Variants in CNOT2 observed in about 807,000 individuals in gnomAD.
The protein encoded by CNOT2 is CC chemokine receptor 4-negative regulator of transcription 2.
CNOT2 carries 7 observed loss-of-function variants against 72.1 expected under a neutral mutation model. The ratio of observed to expected loss-of-function variants is 0.10; its 90% CI spans 0.06 to 0.18. CNOT2 has a LOEUF of 0.18. Among genes scored for constraint, CNOT2 ranks in the 10% least tolerant of loss-of-function variants. CNOT2 has a pLI of 1.00. For synonymous variants in CNOT2, 196 were observed against 225.6 expected, an observed-to-expected ratio of 0.87 and a Z score of 1.17; for missense variants, 345 against 660.3, an observed-to-expected ratio of 0.52 and a Z score of 5.23.
At chr12:70,300,511 T>A (rs1397349838) in intron 2 of CNOT2, among the ~76,000 whole-genome samples, 2 of 152,228 alleles carry the variant, frequency 1.3e-5, no homozygotes, top group African/African-American at 4.8e-5. Flanking sequence ...GTCAGGTTTG[T>A]CAAAGATCAG....
At chr12:70,291,220 T>TA (rs1404903442) in intron 2 of CNOT2, among the ~76,000 whole-genome samples, 8 of 152,184 alleles carry the variant, frequency 5.3e-5, no homozygotes, top group Non-Finnish European at 1.2e-4. Flanking sequence ...TTTCTTACTT[T>TA]AAAAAAATCT....
intron 1 of CNOT2, among the ~76,000 whole-genome samples, chr12:70,245,091 T>C (rs1053527740): frequency 3.3e-5 from 5 of 152,214 alleles, no homozygotes; most frequent in African/African-American, 1.2e-4. Flanking sequence ...TATTGCAGAT[T>C]GAAAGGGTTA....
At chr12:70,310,160 A>G (rs1159097597) in intron 2 of CNOT2, among the ~76,000 whole-genome samples, 1 of 152,054 alleles carries the variant, frequency 6.6e-6, no homozygotes, top group Non-Finnish European at 1.5e-5. Context: ...GAGAGAATTG[A>G]GCATCCGTGG....
At chr12:70,330,584 T>G in intron 6 of CNOT2, 115 bp downstream of exon 6, 2 of 575,824 alleles carry the variant, frequency 3.5e-6, no homozygotes, top group South Asian at 7.0e-5. Flanking sequence ...GTGTGTTTCA[T>G]CATGCATTTA....
At chr12:70,248,946 A>G (rs1246041642) in intron 1 of CNOT2, among the ~76,000 whole-genome samples, 1 of 152,102 alleles carries the variant, frequency 6.6e-6, no homozygotes, top group Non-Finnish European at 1.5e-5. Flanking sequence ...TAATGATAAA[A>G]TGAGTGAGGG....
intron 8 of CNOT2, chr12:70,337,149 C>T (rs113538276): frequency 3.2e-4 from 96 of 299,086 alleles, no homozygotes; most frequent in Non-Finnish European, 1.4e-4. Flanking sequence ...TAAGCACCTA[C>T]GCATGACATG....
chr12:70,269,824 T>A (rs969977495), intron 1 of CNOT2, among the ~76,000 whole-genome samples: 5 of 152,288 alleles, frequency 3.3e-5, no homozygotes, highest in African/African-American at 1.2e-4. Flanking sequence ...GTCAAAAGAC[T>A]GAAGATTTAT....
At chr12:70,279,403 T>G (rs1448956477) in intron 2 of CNOT2, among the ~76,000 whole-genome samples, 1 of 152,238 alleles carries the variant, frequency 6.6e-6, no homozygotes, top group Non-Finnish European at 1.5e-5. Context: ...TAACTTGGTA[T>G]CTAAAGTTTC....
At chr12:70,306,634 G>A (rs73324114) in intron 2 of CNOT2, among the ~76,000 whole-genome samples, 2,358 of 152,296 alleles carry the variant, frequency 0.015, 65 homozygotes, top group African/African-American at 0.054. Context: ...AAAGTCTGGT[G>A]TGAGTGTCAA....
chr12:70,332,759 G>A lies in CNOT2; in HGVS notation c.570-8G>A. On this transcript the variant is annotated splice_region_variant and splice_polypyrimidine_tract_variant and intron_variant, in intron 6 of 15. Coordinates refer to ENST00000229195, the MANE Select transcript of CNOT2 (RefSeq NM_014515.7). Reference sequence around the variant, plus strand: ...CTGTATATCTAAAACTATTTTCTATGTACCCAGTATGTCTGGATTTGGAAT... The same window carrying A: ...CTGTATATCTAAAACTATTTTCTATATACCCAGTATGTCTGGATTTGGAAT... 1 of 1,595,304 alleles carries A rather than the reference G, an allele frequency of 6.3e-7. No homozygotes were observed. The highest frequency in any genetic ancestry group is 8.5e-7 in the Non-Finnish European group (1 of 1,172,556).
Position 70,278,123 on chromosome 12 carries a change from C to T in CNOT2, c.-95-9C>T. 1 of 732,546 alleles carries T rather than the reference C, an allele frequency of 1.4e-6. No individual in the cohort carries two copies. The highest frequency in any genetic ancestry group is 2.4e-6 in the Non-Finnish European group (1 of 422,896). The allele number at this position is 732,546 out of a possible 1,614,324, so 45.4% of individuals were successfully genotyped here. ...TAATTTTGATGGCTTTTGGATAATT[C>T]CACTCTAGAGGGAGACGTGGTGGGC... On this transcript the variant is annotated splice_polypyrimidine_tract_variant and intron_variant, in intron 1 of 15. Coordinates refer to ENST00000229195, the MANE Select transcript of CNOT2 (RefSeq NM_014515.7).
At chr12:70,269,748 A>T (rs533646166) in intron 1 of CNOT2, among the ~76,000 whole-genome samples, 1 of 152,296 alleles carries the variant, frequency 6.6e-6, no homozygotes, top group Non-Finnish European at 1.5e-5. Flanking sequence ...AATTTCAGTT[A>T]GAGGTTTGTA....
chr12:70,266,224 A>G (rs1959036395), intron 1 of CNOT2, among the ~76,000 whole-genome samples: 1 of 152,022 alleles, frequency 6.6e-6, no homozygotes, highest in Middle Eastern at 3.4e-3. Context: ...CAGTAGTTCA[A>G]GCGGTTCTCC....
chr12:70,334,523 G>A (rs1193629689), intron 7 of CNOT2: 1 of 151,966 alleles, frequency 6.6e-6, no homozygotes, highest in Non-Finnish European at 1.5e-5. Flanking sequence ...ATTGGGAAGT[G>A]GCAAAATAAA....
At chr12:70,292,261 T>TATTA (rs1266897942) in intron 2 of CNOT2, among the ~76,000 whole-genome samples, 2 of 152,178 alleles carry the variant, frequency 1.3e-5, no homozygotes, top group Non-Finnish European at 2.9e-5. Context: ...TTCAGTCTAA[T>TATTA]GAGAAAACAT....
In CNOT2 at chr12:70,267,562, A is replaced by G. The variant is rs151175423; in HGVS notation, c.-95-10570A>G. On this transcript the variant is annotated intron_variant, in intron 1 of 15. Transcript: ENST00000229195. ...AGGTCCTGGGGGTTAAGTCTTGAAC[A>G]CATCTTTTTTGAGTACACAACTCAC... Among the ~76,000 whole-genome samples, 22 of 152,364 alleles carry G rather than the reference A, an allele frequency of 1.4e-4. No individual in the cohort carries two copies. In the East Asian group the frequency reaches 4.0e-3, roughly 28 times the overall value.
At chr12:70,313,059 A>G (rs1876742333) in intron 3 of CNOT2, among the ~76,000 whole-genome samples, 1 of 152,030 alleles carries the variant, frequency 6.6e-6, no homozygotes, top group African/African-American at 2.4e-5. Flanking sequence ...CATGCCAACA[A>G]GAATACCAGC....
intron 1 of CNOT2, among the ~76,000 whole-genome samples, chr12:70,254,522 T>C (rs892692547): frequency 1.3e-5 from 2 of 152,188 alleles, no homozygotes; most frequent in African/African-American, 4.8e-5. Flanking sequence ...ATTTTTGTAC[T>C]GCGGTTCACC....
At chr12:70,251,525 G>A (rs1958142444) in intron 1 of CNOT2, among the ~76,000 whole-genome samples, 1 of 152,020 alleles carries the variant, frequency 6.6e-6, no homozygotes, top group Middle Eastern at 3.4e-3. Context: ...TGTGATGAGG[G>A]AACCATTAAC....
Sources: gnomAD v4.1 joint callset for allele counts (sites outside exome capture counted in the v4.1 genomes callset) on GRCh38, gnomAD v4.1.1 for gene constraint, MANE v1.5 for transcripts, NCBI Gene and HGNC (gene_info 2026-07-23, HGNC 2026-07-21) for gene names.